Variants in PCBP4 observed in about 807,000 individuals in gnomAD.
PCBP4 encodes the protein poly(rC)-binding protein 4.
Under a neutral mutation model 46.2 loss-of-function variants are expected in PCBP4, and 24 were observed. The observed-to-expected ratio is 0.52, with a 90% CI of 0.38 to 0.73. PCBP4 has a LOEUF of 0.73. PCBP4 is among the 30% of genes least tolerant of loss of function. The pLI is 0.00. For missense variants in PCBP4, 407 were observed against 537.0 expected, an observed-to-expected ratio of 0.76 and a Z score of 2.39; for synonymous variants, 203 against 224.4, an observed-to-expected ratio of 0.90 and a Z score of 0.85.
In PCBP4 at chr3:51,958,450, G is replaced by A. The variant is rs1054877599; in HGVS notation, c.924-101C>T. On this transcript the variant is annotated intron_variant, in intron 13 of 13. Transcript: ENST00000461554. This position sits in a 1 kb window ranked among gnomAD's most constrained non-coding sequence, Gnocchi z 5.4. ...ATGAGATTAGATGAAAGGCAAGAGA[G>A]AGGTAGTGAACAGAGAACAATAAGG... 1.7e-5 allele frequency: 14 copies of A among 817,606 alleles called. No individual in the cohort carries two copies. In the African/African-American group the frequency reaches 2.2e-4, roughly 13 times the overall value. The allele number at this position is 817,606 out of a possible 1,614,324, so 50.6% of individuals were successfully genotyped here. A position where few individuals can be genotyped will look rare whatever the true frequency, so the allele number is the denominator to read the frequency against.
rs76166022 is a variant in PCBP4 at position 51,959,528 on chromosome 3, A to G, written c.591+49T>C. The G allele has an allele frequency of 3.9e-4, 591 of 1,534,110 alleles. 3 individuals are homozygous for G. The African/African-American group carries it at 6.5e-3, about 17-fold the overall frequency. ...TTCTTCCATCCCCTCCTCTATCTCA[A>G]TCCCCCTTCTCCAGTAATGTGTCCC... On this transcript the variant is annotated intron_variant, in intron 9 of 13. Transcript: ENST00000461554. The surrounding 1 kb of genome is among the most constrained non-coding windows in gnomAD (Gnocchi z 5.6).
chr3:51,959,806 C>T lies in PCBP4; in HGVS notation c.516+89G>A. On this transcript the variant is annotated intron_variant, in intron 8 of 13. Transcript: ENST00000461554. The surrounding 1 kb of genome is among the most constrained non-coding windows in gnomAD (Gnocchi z 5.6). ...TCCCTGCAGCCCTGCCCTGCCCCAC[C>T]TGCAGCACAGGCATAGGGTTTGGGG... 1 of 1,533,286 alleles carries T rather than the reference C, an allele frequency of 6.5e-7. No homozygotes were observed. Among genetic ancestry groups the T allele is most frequent in the East Asian group, 2.3e-5 (1 of 44,368 alleles). 95.0% of individuals were successfully genotyped at this position (1,533,286 alleles called of 1,614,324 possible). A position where few individuals can be genotyped will look rare whatever the true frequency, so the allele number is the denominator to read the frequency against.
chr3:51,960,635 G>T lies in PCBP4; in HGVS notation c.146C>A (p.Ala49Asp). 4 of 1,612,430 alleles carry T rather than the reference G, an allele frequency of 2.5e-6. No homozygotes were observed. The highest frequency in any genetic ancestry group is 2.2e-5 in the East Asian group (1 of 44,862). Residue 49 changes from alanine to aspartate, a missense_variant, in exon 6 of 14, where the codon GCC (alanine) becomes GAC (aspartate). Transcript: ENST00000461554. The surrounding 1 kb of genome is among the most constrained non-coding windows in gnomAD (Gnocchi z 5.0). The stretch of plus-strand genomic sequence containing the variant: ...GGAGCCCTCGGAGATGGTGATCCGG[G>T]CACTGCTCTGCAGATATAGAATGAG... ...TVKRIREQSS[A>D]RITISEGSCP...
chr3:51,961,597 G>A (rs965437831), intron 2 of PCBP4: 29 of 328,976 alleles, frequency 8.8e-5, no homozygotes, highest in African/African-American at 1.9e-4. Flanking sequence ...TACATGGTAG[G>A]TACCTAGCCT....
chr3:51,960,794 G>C lies in PCBP4; in HGVS notation c.138+72C>G. On this transcript the variant is annotated intron_variant, in intron 5 of 13. Transcript: ENST00000461554. This position sits in a 1 kb window ranked among gnomAD's most constrained non-coding sequence, Gnocchi z 5.0. Reference sequence around the variant, plus strand: ...TGGTCAGCCCAGAAGGAGTGGTTCAGAGAGAAAGTGGGGCAGGGATCTCCC... The same window carrying C: ...TGGTCAGCCCAGAAGGAGTGGTTCACAGAGAAAGTGGGGCAGGGATCTCCC... 6.4e-7 allele frequency: 1 copy of C among 1,563,380 alleles called. No individual in the cohort carries two copies. Among genetic ancestry groups the C allele is most frequent in the Non-Finnish European group, 8.8e-7 (1 of 1,133,932 alleles).
chr3:51,961,287 G>A lies in PCBP4; in HGVS notation c.-47C>T, dbSNP rs776533140. On this transcript the variant is annotated 5_prime_UTR_variant, in exon 3 of 14. Coordinates refer to ENST00000461554, the MANE Select transcript of PCBP4 (RefSeq NM_001174100.2). ...CACAGCGACCTGCGAGTGTGTCCGC[G>A]CTGCAACCTGGCCGGCTCTGGCAGG... 1.4e-5 allele frequency: 23 copies of A among 1,589,130 alleles called. No homozygotes were observed. The highest frequency in any genetic ancestry group is 6.7e-5 in the South Asian group (6 of 89,164).
chr3:51,961,740 A>ACC, intron 2 of PCBP4: 2 of 993,374 alleles, frequency 2.0e-6, no homozygotes, highest in South Asian at 4.6e-5. Flanking sequence ...GTTCAGGCTG[A>ACC]AAGCTTACTC....
In PCBP4 at chr3:51,957,690, G is replaced by A. The variant is rs947441466; in HGVS notation, c.*371C>T. The A allele has an allele frequency of 7.8e-5, 13 of 166,366 alleles. No homozygotes were observed. The highest frequency in any genetic ancestry group is 5.1e-4 in the East Asian group (3 of 5,904). 10.3% of individuals were successfully genotyped at this position (166,366 alleles called of 1,614,324 possible). ...AGAAGCCTGGCCCCAGCTACCCAAC[G>A]GGCCCTCCTCCCTGACTCCCACAAG... On this transcript the variant is annotated 3_prime_UTR_variant, in exon 14 of 14. Transcript: ENST00000461554.
chr3:51,962,418 C>T (rs1487232513), intron 1 of PCBP4, among the ~76,000 whole-genome samples: 4 of 152,078 alleles, frequency 2.6e-5, no homozygotes, highest in East Asian at 1.9e-4. Flanking sequence ...TCTCCTTAGG[C>T]GTCTGTCTCC....
rs899085146 is a variant in PCBP4 at position 51,958,244 on chromosome 3, A to G, written c.1029T>C (p.Pro343=). ...PPLTALPTAP[P]GLLGTPYAIS... ...TGGCATAGGGTGTGCCCAGCAGGCCAGGGGGAGCTGTGGGCAGGGCCGTCA... is the reference window on the plus strand; with the variant it reads ...TGGCATAGGGTGTGCCCAGCAGGCCGGGGGGAGCTGTGGGCAGGGCCGTCA... The change falls in exon 14 of 14, where the codon CCT becomes CCC. Residue 343 remains proline, a synonymous_variant. Coordinates refer to ENST00000461554, the MANE Select transcript of PCBP4 (RefSeq NM_001174100.2). This position sits in a 1 kb window ranked among gnomAD's most constrained non-coding sequence, Gnocchi z 5.4. 2.5e-6 allele frequency: 4 copies of G among 1,604,162 alleles called. No homozygotes were observed. Among genetic ancestry groups the G allele is most frequent in the Non-Finnish European group, 3.4e-6 (4 of 1,175,626 alleles).
At position 51,959,167 on chromosome 3, in the gene PCBP4, G is replaced by A. The variant is rs1003687017; in HGVS notation, c.700+62C>T. Reference sequence around the variant, plus strand: ...CCGCCCCACCATTTCCACTCTCCCTGGAAGGGAGGGGGCTGCCCTCTTAGG... The same window carrying A: ...CCGCCCCACCATTTCCACTCTCCCTAGAAGGGAGGGGGCTGCCCTCTTAGG... On this transcript the variant is annotated intron_variant, in intron 11 of 13. Coordinates refer to ENST00000461554, the MANE Select transcript of PCBP4 (RefSeq NM_001174100.2). This position sits in a 1 kb window ranked among gnomAD's most constrained non-coding sequence, Gnocchi z 5.6. 3 of 1,610,618 alleles carry A rather than the reference G, an allele frequency of 1.9e-6. No individual in the cohort carries two copies. Among genetic ancestry groups the A allele is most frequent in the African/African-American group, 2.7e-5 (2 of 74,856 alleles).
Position 51,959,419 on chromosome 3 carries a change from G to A in PCBP4, c.592-8C>T, listed in dbSNP as rs1700028613. On this transcript the variant is annotated splice_polypyrimidine_tract_variant and splice_region_variant and intron_variant, in intron 9 of 13. Coordinates refer to ENST00000461554, the MANE Select transcript of PCBP4 (RefSeq NM_001174100.2). The surrounding 1 kb of genome is among the most constrained non-coding windows in gnomAD (Gnocchi z 5.6). ...ACCCTGGACAGAGAAGCCCTGTGGG[G>A]ACAAAGTGGATGAAAAGGGGGTTAC... The A allele has an allele frequency of 6.2e-7, 1 of 1,601,918 alleles. No individual in the cohort carries two copies. Among genetic ancestry groups the A allele is most frequent in the Non-Finnish European group, 8.5e-7 (1 of 1,173,036 alleles).
chr3:51,964,223 G>A (rs914600997), intron 1 of PCBP4, among the ~76,000 whole-genome samples: 8 of 152,272 alleles, frequency 5.3e-5, no homozygotes, highest in East Asian at 3.9e-4. Context: ...CTGTGTAAGC[G>A]ATGGTGGCTG....
rs1404598146 is a variant in PCBP4, at chr3:51,959,518, C to T, written c.591+59G>A. ...CTCCAATTCCTTCTTCCATCCCCTC[C>T]TCTATCTCAATCCCCCTTCTCCAGT... On this transcript the variant is annotated intron_variant, in intron 9 of 13. Transcript: ENST00000461554. This position sits in a 1 kb window ranked among gnomAD's most constrained non-coding sequence, Gnocchi z 5.6. 11 of 1,530,446 alleles carry T rather than the reference C, an allele frequency of 7.2e-6. No homozygotes were observed. The highest frequency in any genetic ancestry group is 9.7e-6 in the Non-Finnish European group (11 of 1,128,882). The allele number at this position is 1,530,446 out of a possible 1,614,324, so 94.8% of individuals were successfully genotyped here.
rs1700028242 is a variant in PCBP4 at position 51,959,415 on chromosome 3, TG to T, written c.592-5del. ...ACTGACCCTGGACAGAGAAGCCCTG[TG>T]GGGACAAAGTGGATGAAAAGGGGGT... On this transcript the variant is annotated splice_region_variant and splice_polypyrimidine_tract_variant and intron_variant, in intron 9 of 13. Transcript: ENST00000461554. The surrounding 1 kb of genome is among the most constrained non-coding windows in gnomAD (Gnocchi z 5.6). The T allele has an allele frequency of 6.2e-7, 1 of 1,604,904 alleles. No homozygotes were observed. The highest frequency in any genetic ancestry group is 8.5e-7 in the Non-Finnish European group (1 of 1,174,542).
At chr3:51,961,437 A>T in intron 2 of PCBP4, 133 bp from the exon 3 acceptor site, 1 of 1,065,570 alleles carries the variant, frequency 9.4e-7, no homozygotes, top group Non-Finnish European at 1.3e-6. Flanking sequence ...AGCGCCACAC[A>T]TCACTCTGAC....
At position 51,958,173 on chromosome 3, in the gene PCBP4, G is replaced by C. The variant is rs773836813; in HGVS notation, c.1100C>G (p.Ala367Gly). The C allele has an allele frequency of 6.2e-7, 1 of 1,613,480 alleles. No homozygotes were observed. ...FIGLKPMPFL[A>G]LPPASPGPPP... Reference sequence around the variant, plus strand: ...CGGCCCTGGGGAAGCAGGTGGTAAAGCCAAGAAGGGCATGGGCTTGAGGCC... The same window carrying C: ...CGGCCCTGGGGAAGCAGGTGGTAAACCCAAGAAGGGCATGGGCTTGAGGCC... Residue 367 changes from alanine (A) to glycine (G), a missense_variant, in exon 14 of 14, where the codon GCT becomes GGT. Transcript: ENST00000461554. The surrounding 1 kb of genome is among the most constrained non-coding windows in gnomAD (Gnocchi z 5.4).
Position 51,957,918 on chromosome 3 carries a change from G to A in PCBP4, c.*143C>T. On this transcript the variant is annotated 3_prime_UTR_variant, in exon 14 of 14. Transcript: ENST00000461554. Reference sequence around the variant, plus strand: ...TCTGAGAGAAAGAACTCCCATAGATGGAGGCAGGGTAGGGGGTGCATCCAT... The same window carrying A: ...TCTGAGAGAAAGAACTCCCATAGATAGAGGCAGGGTAGGGGGTGCATCCAT... 2.7e-6 allele frequency: 2 copies of A among 737,210 alleles called. No individual in the cohort carries two copies. Among genetic ancestry groups the A allele is most frequent in the Non-Finnish European group, 4.3e-6 (2 of 462,546 alleles). The allele number at this position is 737,210 out of a possible 1,614,324, so 45.7% of individuals were successfully genotyped here.
intron 1 of PCBP4, among the ~76,000 whole-genome samples, chr3:51,963,429 A>G (rs1700273779): frequency 6.6e-6 from 1 of 152,184 alleles, no homozygotes; most frequent in Non-Finnish European, 1.5e-5. Flanking sequence ...GCCTAGCTAG[A>G]AGACAGGGAT....
Sources: allele counts gnomAD v4.1 joint callset (sites outside exome capture counted in the v4.1 genomes callset), GRCh38; gene constraint gnomAD v4.1.1; non-coding constraint Gnocchi (gnomAD v3.1); transcripts MANE v1.5; gene names NCBI Gene and HGNC (gene_info 2026-07-23, HGNC 2026-07-21).